KCTD16: variants seen among roughly 807,000 people sequenced by gnomAD.
KCTD16 encodes the protein BTB/POZ domain-containing protein KCTD16.
A neutral mutation model predicts 33.2 loss-of-function variants in KCTD16; 13 were observed. The ratio of observed to expected loss-of-function variants is 0.39; its 90% CI spans 0.25 to 0.62. The LOEUF (loss-of-function observed/expected upper bound fraction) is 0.62. Ranked by LOEUF, KCTD16 falls within the 20% of genes least tolerant of loss-of-function variation. The probability of loss-of-function intolerance (pLI) is 0.50; values close to 1 mark genes in which losing one functional copy is unlikely to be tolerated. For missense variants in KCTD16, 441 were observed against 525.1 expected (o/e 0.84, Z 1.57); for synonymous variants, 197 against 195.3 (o/e 1.01, Z -0.07).
intron 3 of KCTD16, among the ~76,000 whole-genome samples, chr5:144,215,182 C>G (rs1344832738): frequency 6.6e-6 from 1 of 152,172 alleles, no homozygotes; most frequent in African/African-American, 2.4e-5. Context: ...CGCAAAGATT[C>G]TAGCTCTAGG....
intron 3 of KCTD16, among the ~76,000 whole-genome samples, chr5:144,337,264 A>G (rs187309267): frequency 1.3e-5 from 2 of 152,122 alleles, no homozygotes; most frequent in East Asian, 3.9e-4. Context: ...TTATTGGGGG[A>G]AAAGGATATG....
At chr5:144,346,241 T>C (rs1752797823) in intron 3 of KCTD16, among the ~76,000 whole-genome samples, 8 of 152,200 alleles carry the variant, frequency 5.3e-5, no homozygotes. Context: ...CCACATTTTC[T>C]TTATCCATTC....
intron 3 of KCTD16, among the ~76,000 whole-genome samples, chr5:144,302,901 T>C (rs76724253): frequency 0.016 from 2,414 of 152,298 alleles, 36 homozygotes; most frequent in Middle Eastern, 0.034. Context: ...CTTGGATCCC[T>C]TTGGGTTGGC....
intron 3 of KCTD16, among the ~76,000 whole-genome samples, chr5:144,411,171 A>G (rs1238616904): frequency 1.3e-5 from 2 of 152,192 alleles, no homozygotes; most frequent in Non-Finnish European, 2.9e-5. Flanking sequence ...TCTTCACAGA[A>G]TTAGAAAAAA....
At chr5:144,202,291 C>T (rs1465307244) in intron 2 of KCTD16, among the ~76,000 whole-genome samples, 1 of 152,224 alleles carries the variant, frequency 6.6e-6, no homozygotes, top group African/African-American at 2.4e-5. Context: ...ACACTTACAG[C>T]CTAGACTTGG....
At chr5:144,242,901 T>C (rs1004952800) in intron 3 of KCTD16, among the ~76,000 whole-genome samples, 12 of 152,254 alleles carry the variant, frequency 7.9e-5, no homozygotes, top group East Asian at 5.8e-4. Flanking sequence ...ATCTCTAATA[T>C]TGGGGATCAA....
At chr5:144,178,803 A>G (rs1169648238) in intron 2 of KCTD16, among the ~76,000 whole-genome samples, 1 of 152,184 alleles carries the variant, frequency 6.6e-6, no homozygotes, top group East Asian at 1.9e-4. Flanking sequence ...TGACTTCTGT[A>G]CTAAATATTA....
Position 144,363,299 on chromosome 5 carries a change from G to A in KCTD16, c.833-110361G>A, listed in dbSNP as rs147108108. 5.7e-3 allele frequency among the ~76,000 whole-genome samples: 870 copies of A among 152,164 alleles called. 1 individual carries two copies. The highest frequency in any genetic ancestry group is 0.01 in the Middle Eastern group (3 of 294). On this transcript the variant is annotated intron_variant, in intron 3 of 3. Coordinates refer to ENST00000512467, the MANE Select transcript of KCTD16 (RefSeq NM_020768.4). Reference sequence around the variant, plus strand: ...AGAGGCTGCAGTGAGCCAAGATCGCGCCACTGCACTCCAGACTGGGTGACA... The same window carrying A: ...AGAGGCTGCAGTGAGCCAAGATCGCACCACTGCACTCCAGACTGGGTGACA...
intron 3 of KCTD16, among the ~76,000 whole-genome samples, chr5:144,373,079 A>G (rs914058399): frequency 6.6e-6 from 1 of 152,170 alleles, no homozygotes; most frequent in Non-Finnish European, 1.5e-5. Context: ...GGAATGTGGG[A>G]TGTCAAGAGT....
Position 144,485,047 on chromosome 5 carries a change from G to A in KCTD16, c.*10933G>A, listed in dbSNP as rs1312799725. The A allele has an allele frequency of 6.6e-6, 1 of 151,900 alleles. No individual in the cohort carries two copies. Among genetic ancestry groups the A allele is most frequent in the Non-Finnish European group, 1.5e-5 (1 of 67,912 alleles). 9.4% of individuals were successfully genotyped at this position (151,900 alleles called of 1,614,324 possible). A position where few individuals can be genotyped will look rare whatever the true frequency, so the allele number is the denominator to read the frequency against. On this transcript the variant is annotated 3_prime_UTR_variant, in exon 4 of 4. Transcript: ENST00000512467. ...CAGCAGCTCAGTTATTCAGCAAAAA[G>A]TCTGCAGTCTGTGAATAGCAAATAT...
intron 3 of KCTD16, among the ~76,000 whole-genome samples, chr5:144,271,763 A>G (rs563344739): frequency 1.1e-5 from 1 of 87,692 alleles, no homozygotes; most frequent in East Asian, 3.1e-4. Flanking sequence ...TAAAAACTAC[A>G]CACACACACA....
chr5:144,287,033 C>T (rs1244374778), intron 3 of KCTD16, among the ~76,000 whole-genome samples: 5 of 152,164 alleles, frequency 3.3e-5, no homozygotes, highest in African/African-American at 1.2e-4. Flanking sequence ...AACATGTAAG[C>T]ATTTTGTTAG....
chr5:144,175,936 C>A (rs185918927), intron 2 of KCTD16, among the ~76,000 whole-genome samples: 97 of 152,196 alleles, frequency 6.4e-4, no homozygotes, highest in Non-Finnish European at 2.9e-4. Flanking sequence ...CTTCTAAGAT[C>A]AATTATAAAC....
At chr5:144,340,401 CAAAAAAAA>C (rs1208475292) in intron 3 of KCTD16, among the ~76,000 whole-genome samples, 3 of 48,250 alleles carry the variant, frequency 6.2e-5, no homozygotes, top group African/African-American at 1.3e-4. Flanking sequence ...GACTCCATCT[CAAAAAAAA>C]AAAAAAAAAA....
At chr5:144,397,685 T>C (rs898531533) in intron 3 of KCTD16, among the ~76,000 whole-genome samples, 2 of 152,198 alleles carry the variant, frequency 1.3e-5, no homozygotes, top group African/African-American at 4.8e-5. Flanking sequence ...CCAGTGATGA[T>C]GATTTAAAGT....
chr5:144,316,566 AGTGGCGCG>A (rs1751921020), intron 3 of KCTD16, among the ~76,000 whole-genome samples: 2 of 135,170 alleles, frequency 1.5e-5, no homozygotes, highest in African/African-American at 5.7e-5. Flanking sequence ...GGTGGAGTGC[AGTGGCGCG>A]ATCTCTCCAC....
intron 3 of KCTD16, among the ~76,000 whole-genome samples, chr5:144,465,537 C>T (rs994551487): frequency 2.4e-4 from 36 of 152,020 alleles, no homozygotes; most frequent in African/African-American, 8.7e-4. Context: ...GGGTCTCACA[C>T]GATTCTCTTT....
At chr5:144,353,396 C>T (rs1751491878) in intron 3 of KCTD16, among the ~76,000 whole-genome samples, 1 of 152,132 alleles carries the variant, frequency 6.6e-6, no homozygotes, top group South Asian at 2.1e-4. Flanking sequence ...TAAAGATGAA[C>T]TCTGAGGTGG....
chr5:144,399,455 C>G (rs775514241), intron 3 of KCTD16, among the ~76,000 whole-genome samples: 1 of 152,048 alleles, frequency 6.6e-6, no homozygotes, highest in Non-Finnish European at 1.5e-5. Context: ...GAAATAGAAT[C>G]AGTTTCCCAT....
Sources: gnomAD v4.1 joint callset for allele counts (sites outside exome capture counted in the v4.1 genomes callset) on GRCh38, gnomAD v4.1.1 for gene constraint, MANE v1.5 for transcripts, NCBI Gene and HGNC (gene_info 2026-07-23, HGNC 2026-07-21) for gene names.